CYYR1: variants seen among roughly 807,000 people sequenced by gnomAD.
CYYR1 encodes the protein cysteine and tyrosine rich 1.
In CYYR1, 14 loss-of-function variants were observed where a neutral mutation model predicts 15.2. The observed-to-expected ratio is 0.92, with a 90% CI of 0.61 to 1.44. The LOEUF is 1.44. Among genes scored for constraint, CYYR1 ranks in the 40% most tolerant of loss-of-function variants. CYYR1 has a pLI of 0.00. For missense variants in CYYR1, 228 were observed against 209.5 expected (o/e 1.09, Z -0.54); for synonymous variants, 80 against 77.4 (o/e 1.03, Z -0.18).
chr21:26,480,510 G>A lies in CYYR1; in HGVS notation c.177-81C>T, dbSNP rs892016052. Reference sequence around the variant, plus strand: ...TTCTAGTAGAGCTCCATGATTATAGGACAAGTGTTTTCTTACAAATGTTCT... The same window carrying A: ...TTCTAGTAGAGCTCCATGATTATAGAACAAGTGTTTTCTTACAAATGTTCT... On this transcript the variant is annotated intron_variant, in intron 2 of 3. Coordinates refer to ENST00000652641, the MANE Select transcript of CYYR1 (RefSeq NM_001320768.2). 27 of 1,377,482 alleles carry A rather than the reference G, an allele frequency of 2.0e-5. No individual in the cohort carries two copies. The East Asian group carries it at 4.1e-4, about 21-fold the overall frequency. The allele number at this position is 1,377,482 out of a possible 1,614,324, so 85.3% of individuals were successfully genotyped here.
At chr21:26,513,432 G>T (rs1414522050) in intron 2 of CYYR1, among the ~76,000 whole-genome samples, 2 of 152,114 alleles carry the variant, frequency 1.3e-5, no homozygotes, top group Non-Finnish European at 2.9e-5. Context: ...TTCCTTAGTT[G>T]CAGGGTCCAG....
At chr21:26,563,772 C>CCT (rs998405102) in intron 2 of CYYR1, among the ~76,000 whole-genome samples, 7 of 152,124 alleles carry the variant, frequency 4.6e-5, no homozygotes, top group African/African-American at 1.7e-4. Context: ...TAGGGGAAGA[C>CCT]CTCAGCAAGG....
chr21:26,548,893 T>C (rs1372021111), intron 2 of CYYR1, among the ~76,000 whole-genome samples: 1 of 152,224 alleles, frequency 6.6e-6, no homozygotes, highest in Non-Finnish European at 1.5e-5. Flanking sequence ...TACTTTTCAC[T>C]GAATAGACAT....
intron 3 of CYYR1, chr21:26,471,794 G>C (rs1001291376): frequency 1.3e-5 from 2 of 152,250 alleles, no homozygotes; most frequent in African/African-American, 2.4e-5. Context: ...TATGTATGCA[G>C]CTGGAGATAC....
chr21:26,477,305 T>G (rs1241247847), intron 3 of CYYR1, among the ~76,000 whole-genome samples: 1 of 152,194 alleles, frequency 6.6e-6, no homozygotes, highest in African/African-American at 2.4e-5. Flanking sequence ...AAGTAAAATC[T>G]TAATTAGCGC....
chr21:26,523,932 C>T (rs897028479), intron 2 of CYYR1, among the ~76,000 whole-genome samples: 2 of 152,144 alleles, frequency 1.3e-5, no homozygotes, highest in Non-Finnish European at 2.9e-5. Context: ...CCCATAAGAA[C>T]AAAGTAAAAA....
chr21:26,509,648 C>T (rs2065619516), intron 2 of CYYR1, among the ~76,000 whole-genome samples: 1 of 152,206 alleles, frequency 6.6e-6, no homozygotes, highest in Non-Finnish European at 1.5e-5. Context: ...TCAGATGACT[C>T]TCCAGGGTAG....
intron 2 of CYYR1, among the ~76,000 whole-genome samples, chr21:26,520,704 A>G (rs562811902): frequency 6.6e-6 from 1 of 152,320 alleles, no homozygotes; most frequent in South Asian, 2.1e-4. Context: ...CAACAGTGTA[A>G]AAGCTTTCCT....
At chr21:26,474,130 T>C (rs1319140674) in intron 3 of CYYR1, among the ~76,000 whole-genome samples, 4 of 146,042 alleles carry the variant, frequency 2.7e-5, no homozygotes, top group Non-Finnish European at 6.0e-5. Flanking sequence ...CACTGTAAAC[T>C]CCACCTCCCA....
chr21:26,527,594 T>G (rs1000449944), intron 2 of CYYR1, among the ~76,000 whole-genome samples: 5 of 152,228 alleles, frequency 3.3e-5, no homozygotes, highest in African/African-American at 1.2e-4. Context: ...TATGTTGGCA[T>G]GAATATACTC....
chr21:26,494,748 TA>T (rs2065371376), intron 2 of CYYR1, among the ~76,000 whole-genome samples: 1 of 152,138 alleles, frequency 6.6e-6, no homozygotes, highest in Admixed American at 6.5e-5. Context: ...TTGTCAATTT[TA>T]AAAGGAGAAG....
intron 1 of CYYR1, among the ~76,000 whole-genome samples, chr21:26,570,554 A>G (rs8128689): frequency 0.082 from 12,476 of 152,250 alleles, 1,725 homozygotes; most frequent in African/African-American, 0.28. Context: ...TCTCCTTCCA[A>G]AAGTAACTCT....
At chr21:26,487,199 A>G (rs1216445256) in intron 2 of CYYR1, among the ~76,000 whole-genome samples, 3 of 152,086 alleles carry the variant, frequency 2.0e-5, no homozygotes. Flanking sequence ...AAATAAGTCA[A>G]AGGTAAAAGT....
intron 2 of CYYR1, among the ~76,000 whole-genome samples, chr21:26,490,638 C>A (rs1308780287): frequency 1.3e-5 from 2 of 152,138 alleles, no homozygotes; most frequent in Non-Finnish European, 2.9e-5. Flanking sequence ...ACTTTTGGGA[C>A]ATTGACCACA....
At chr21:26,545,272 G>T (rs891618972) in intron 2 of CYYR1, among the ~76,000 whole-genome samples, 4 of 150,270 alleles carry the variant, frequency 2.7e-5, no homozygotes, top group African/African-American at 9.8e-5. Flanking sequence ...CCTCCCACTT[G>T]GTAGAATGGA....
intron 2 of CYYR1, among the ~76,000 whole-genome samples, chr21:26,542,312 T>C (rs1017297402): frequency 6.6e-6 from 1 of 151,708 alleles, no homozygotes; most frequent in East Asian, 1.9e-4. Context: ...TGTGTGTGTG[T>C]GTGTGTGTGT....
At chr21:26,506,616 G>A (rs1038664353) in intron 2 of CYYR1, 1 of 152,162 alleles carries the variant, frequency 6.6e-6, no homozygotes, top group Non-Finnish European at 1.5e-5. Context: ...AGTGTTTTTG[G>A]TATGAAGATC....
At chr21:26,505,724 T>C (rs2065549672) in intron 2 of CYYR1, among the ~76,000 whole-genome samples, 1 of 152,218 alleles carries the variant, frequency 6.6e-6, no homozygotes. Flanking sequence ...AGCTGCTGTT[T>C]AACAAAATGA....
At chr21:26,500,474 G>A (rs2065466210) in intron 2 of CYYR1, among the ~76,000 whole-genome samples, 2 of 152,176 alleles carry the variant, frequency 1.3e-5, no homozygotes, top group Non-Finnish European at 2.9e-5. Context: ...GGTGCAAGGA[G>A]GAAGGGAAAG....
Sources: gnomAD v4.1 joint callset for allele counts (sites outside exome capture counted in the v4.1 genomes callset) on GRCh38, gnomAD v4.1.1 for gene constraint, MANE v1.5 for transcripts, NCBI Gene and HGNC (gene_info 2026-07-23, HGNC 2026-07-21) for gene names.